The following MATK variants were observed in gnomAD, a reference collection of about 807,000 sequenced individuals.
MATK encodes the protein megakaryocyte-associated tyrosine-protein kinase.
In MATK, 41 loss-of-function variants were observed where a neutral mutation model predicts 59.8. The observed-to-expected ratio is 0.69, with a 90% confidence interval of 0.53 to 0.89. The LOEUF is 0.89. Among genes scored for constraint, MATK ranks in the 40% least tolerant of loss-of-function variants. The pLI is 0.00. For synonymous variants in MATK, 308 were observed against 306.1 expected (o/e 1.01, Z -0.06); for missense variants, 593 against 719.6 (o/e 0.82, Z 2.01).
upstream of MATK, among the ~76,000 whole-genome samples, chr19:3,786,829 A>G (rs2037491476): frequency 6.6e-6 from 1 of 152,206 alleles, no homozygotes; most frequent in South Asian, 2.1e-4. The surrounding 1 kb of genome is among the most constrained non-coding windows in gnomAD (Gnocchi z 4.1). Context: ...TTGGAGTAAC[A>G]GAATCATCGG....
intron 1 of MATK, among the ~76,000 whole-genome samples, chr19:3,794,416 G>A (rs1208922028): frequency 2.0e-5 from 3 of 152,194 alleles, no homozygotes; most frequent in African/African-American, 7.2e-5. Context: ...CACTTTGGGA[G>A]GCTGAGGTGG....
upstream of MATK, among the ~76,000 whole-genome samples, chr19:3,788,062 T>G (rs1245060859): frequency 6.8e-6 from 1 of 148,050 alleles, no homozygotes; most frequent in Middle Eastern, 3.6e-3. Context: ...GGTGCCTGGT[T>G]AAACCATACT....
intron 8 of MATK, among the ~76,000 whole-genome samples, chr19:3,780,889 C>T (rs1379126210): frequency 1.3e-5 from 2 of 152,034 alleles, no homozygotes; most frequent in Non-Finnish European, 2.9e-5. Context: ...GCATGCTCCA[C>T]TGTGCCTGGC....
At chr19:3,783,404 T>TTGGGGGGTCC in intron 6 of MATK, 185 bp from the exon 7 acceptor site, 1 of 623,458 alleles carries the variant, frequency 1.6e-6, no homozygotes, top group Non-Finnish European at 2.9e-6. Context: ...TGGTATCAAC[T>TTGGGGGGTCC]TGGGGGGTCC....
At position 3,778,537 on chromosome 19, in the gene MATK, GAGA is replaced by G. The variant is rs1162709680; in HGVS notation, c.1253_1255del (p.Phe418del). 6 of 1,613,804 alleles carry G rather than the reference GAGA, an allele frequency of 3.7e-6. No individual in the cohort carries two copies. In the African/African-American group the frequency reaches 6.7e-5, roughly 18 times the overall value. On this transcript the variant is annotated inframe_deletion, in exon 13 of 14. Transcript: ENST00000310132. ...TTTAGGGTACGGAGCCCGTCCATAT[GAGA>G]AGACCTCCCAGAGCAGCACCCCAAA...
At chr19:3,793,417 A>T (rs563247066) in intron 1 of MATK, 2 of 152,082 alleles carry the variant, frequency 1.3e-5, no homozygotes, top group South Asian at 4.2e-4. Flanking sequence ...AAAATACAAA[A>T]ATTAGGCCAG....
chr19:3,784,496 G>A, intron 3 of MATK, 45 bp from the exon 4 acceptor site: 1 of 1,407,430 alleles, frequency 7.1e-7, no homozygotes, highest in Non-Finnish European at 9.8e-7. Context: ...ACATCACGGA[G>A]ATGTGGGGAG....
Position 3,784,420 on chromosome 19 carries a change from G to C in MATK, c.164C>G (p.Thr55Ser). ...RRWAPGTQCI[T>S]KCEHTRPKPG... Reference sequence around the variant, plus strand: ...CTTGGGGCGGGTGTGCTCGCATTTGGTGATACACTGGGTGCCCGGGGCCCA... The same window carrying C: ...CTTGGGGCGGGTGTGCTCGCATTTGCTGATACACTGGGTGCCCGGGGCCCA... The change falls in exon 4 of 14, where the codon ACC becomes AGC. Residue 55 changes from threonine (T) to serine (S), a missense_variant. Transcript: ENST00000310132. 6.2e-7 allele frequency: 1 copy of C among 1,602,760 alleles called. No individual in the cohort carries two copies. The highest frequency in any genetic ancestry group is 2.2e-5 in the East Asian group (1 of 44,552).
Position 3,778,167 on chromosome 19 carries a change from GC to G in MATK, c.*15del. 1.3e-6 allele frequency: 2 copies of G among 1,542,180 alleles called. No homozygotes were observed. Among genetic ancestry groups the G allele is most frequent in the Admixed American group, 2.2e-5 (1 of 46,470 alleles). On this transcript the variant is annotated 3_prime_UTR_variant, in exon 14 of 14. Coordinates refer to ENST00000310132, the MANE Select transcript of MATK (RefSeq NM_139355.3). ...CTCTCTCGGTCCTCTGGGGCCAAGG[GC>G]CCCACCGGGTGGGGTCAGGGCTCCT...
intron 6 of MATK, 186 bp from the exon 7 acceptor site, chr19:3,783,405 T>C: frequency 3.3e-6 from 2 of 608,946 alleles, no homozygotes; most frequent in Non-Finnish European, 5.8e-6. Flanking sequence ...GGTATCAACT[T>C]GGGGGGTCCT....
intron 3 of MATK, 36 bp downstream of exon 3, chr19:3,784,789 C>G: frequency 6.6e-7 from 1 of 1,515,558 alleles, no homozygotes; most frequent in Non-Finnish European, 9.0e-7. Flanking sequence ...TGAAGAAGGA[C>G]CCGGGGAGCA....
chr19:3,779,607 G>A lies in MATK; in HGVS notation c.853C>T (p.His285Tyr). The stretch of plus-strand genomic sequence containing the variant: ...CCCAGGAGACGCACCAGGTTCTCGT[G>A]TTGCATCTTCCTGGGGGCGGTGGGG... ...DETAVMTKMQHENLVRLLGVI... is the reference protein window; with the variant it reads ...DETAVMTKMQYENLVRLLGVI... The change falls in exon 10 of 14, where the codon CAC becomes TAC. Residue 285 changes from histidine to tyrosine, a missense_variant. His to Tyr is a moderately conservative substitution (Grantham distance 83). Transcript: ENST00000310132. The A allele has an allele frequency of 2.5e-6, 4 of 1,612,036 alleles. No individual in the cohort carries two copies. The highest frequency in any genetic ancestry group is 3.4e-6 in the Non-Finnish European group (4 of 1,179,572).
At position 3,781,640 on chromosome 19, in the gene MATK, A is replaced by G. The variant is rs140902781; in HGVS notation, c.709T>C (p.Leu237=). The change falls in exon 8 of 14, where the codon TTG becomes CTG. Residue 237 remains leucine, a synonymous_variant. Coordinates refer to ENST00000310132, the MANE Select transcript of MATK (RefSeq NM_139355.3). ...GWLLNLQHLT[L]GAQIGEGEFG... Reference sequence around the variant, plus strand: ...TCTCCCTCTCCGATCTGTGCTCCCAATGTCAAATGCTGCAGGTTCAGTAAC... The same window carrying G: ...TCTCCCTCTCCGATCTGTGCTCCCAGTGTCAAATGCTGCAGGTTCAGTAAC... 43 of 1,613,680 alleles carry G rather than the reference A, an allele frequency of 2.7e-5. No homozygotes were observed. In the African/African-American group the frequency reaches 3.2e-4, roughly 12 times the overall value.
intron 1 of MATK, among the ~76,000 whole-genome samples, chr19:3,801,060 C>T (rs1029347697): frequency 6.6e-6 from 1 of 152,000 alleles, no homozygotes. Flanking sequence ...GGGTTTCGAA[C>T]TCCTGACCTC....
chr19:3,799,714 G>A (rs551131454), intron 1 of MATK, among the ~76,000 whole-genome samples: 127 of 152,246 alleles, frequency 8.3e-4, no homozygotes, highest in Admixed American at 1.7e-3. Context: ...GGTGGTGGGC[G>A]CCTGTGGTCC....
At chr19:3,784,595 TC>T in intron 3 of MATK, 144 bp from the exon 4 acceptor site, 1 of 655,028 alleles carries the variant, frequency 1.5e-6, no homozygotes, top group Non-Finnish European at 2.6e-6. Flanking sequence ...GACGCAGACA[TC>T]GGGGGAAAGA....
chr19:3,778,443 C>G, intron 13 of MATK, 21 bp from the exon 14 acceptor site: 1 of 1,613,440 alleles, frequency 6.2e-7, no homozygotes, highest in South Asian at 1.1e-5. Flanking sequence ...CAGGCGTGGG[C>G]AGGGGTCAGG....
At chr19:3,790,819 C>A (rs2037533938), upstream of MATK, among the ~76,000 whole-genome samples, 2 of 152,154 alleles carry the variant, frequency 1.3e-5, no homozygotes, top group Admixed American at 6.6e-5. Context: ...AGAGCAAGGT[C>A]TCCCTGAAAG....
intron 1 of MATK, among the ~76,000 whole-genome samples, chr19:3,796,421 G>C (rs1322088385): frequency 6.6e-6 from 1 of 152,074 alleles, no homozygotes; most frequent in African/African-American, 2.4e-5. Context: ...TAGGCATTCT[G>C]CTCCCCCAAC....
Sources: gnomAD v4.1 joint callset for allele counts (sites outside exome capture counted in the v4.1 genomes callset) on GRCh38, gnomAD v4.1.1 for gene constraint, Gnocchi (gnomAD v3.1) non-coding constraint, MANE v1.5 for transcripts, NCBI Gene and HGNC (gene_info 2026-07-23, HGNC 2026-07-21) for gene names.